Variants in CIT observed in about 807,000 individuals in gnomAD.
The protein encoded by CIT is citron rho-interacting serine/threonine kinase, also known as citron Rho-interacting kinase.
CIT carries 79 observed loss-of-function variants against 272.7 expected under a neutral mutation model. That is an observed-to-expected ratio of 0.29 (90% CI 0.24 to 0.35). CIT has a LOEUF of 0.35. CIT is among the 10% of genes least tolerant of loss of function. The pLI, the probability that CIT is intolerant of heterozygous loss-of-function variation, is 1.00. For missense variants in CIT, 1,909 were observed against 2,618.3 expected, an observed-to-expected ratio of 0.73 and a Z score of 5.91; for synonymous variants, 948 against 995.6, an observed-to-expected ratio of 0.95 and a Z score of 0.90.
At chr12:119,689,664 C>CTTTTTTT (rs1565887334) in intron 47 of CIT, among the ~76,000 whole-genome samples, 1 of 102,060 alleles carries the variant, frequency 9.8e-6, no homozygotes, top group Non-Finnish European at 2.0e-5. Flanking sequence ...GCTTAGGAAG[C>CTTTTTTT]TCTTTTTTTT....
chr12:119,756,054 A>G (rs1015312097), intron 22 of CIT, among the ~76,000 whole-genome samples: 1 of 152,164 alleles, frequency 6.6e-6, no homozygotes, highest in African/African-American at 2.4e-5. Context: ...GGACCCTATA[A>G]AGGAGATACA....
chr12:119,838,696 A>C (rs937089022), intron 5 of CIT, among the ~76,000 whole-genome samples: 1 of 152,190 alleles, frequency 6.6e-6, no homozygotes, highest in Non-Finnish European at 1.5e-5. Flanking sequence ...TCTGCTGCTT[A>C]TATTTTTTTC....
At chr12:119,731,391 G>A (rs954618894) in intron 26 of CIT, among the ~76,000 whole-genome samples, 2 of 146,714 alleles carry the variant, frequency 1.4e-5, no homozygotes, top group Admixed American at 6.9e-5. Flanking sequence ...CAGGAGAATT[G>A]CTTGAACTCG....
chr12:119,852,060 G>A (rs1970253013), intron 4 of CIT, among the ~76,000 whole-genome samples: 1 of 152,030 alleles, frequency 6.6e-6, no homozygotes, highest in Non-Finnish European at 1.5e-5. Flanking sequence ...ATAAAATCAC[G>A]AAGGAGGAAG....
At chr12:119,844,849 G>A (rs937049651) in intron 5 of CIT, among the ~76,000 whole-genome samples, 2 of 152,148 alleles carry the variant, frequency 1.3e-5, no homozygotes, top group Non-Finnish European at 2.9e-5. Flanking sequence ...GGCTGGGCAC[G>A]GTGGCTCACG....
At chr12:119,869,308 C>G in intron 2 of CIT, 107 bp from the exon 3 acceptor site, 1 of 1,067,496 alleles carries the variant, frequency 9.4e-7, no homozygotes, top group Non-Finnish European at 1.3e-6. Context: ...TAACTGCTCA[C>G]GACATGCTAA....
At chr12:119,748,102 C>CTGCA (rs1280323548) in intron 23 of CIT, among the ~76,000 whole-genome samples, 1 of 151,976 alleles carries the variant, frequency 6.6e-6, no homozygotes, top group Non-Finnish European at 1.5e-5. Context: ...GGAGTCAAGG[C>CTGCA]TGCAGTGTGC....
chr12:119,765,741 G>C (rs962953496), intron 19 of CIT, among the ~76,000 whole-genome samples: 1 of 151,788 alleles, frequency 6.6e-6, no homozygotes, highest in Non-Finnish European at 1.5e-5. Context: ...CAAAGTGCTA[G>C]GATTATATGC....
At chr12:119,721,209 T>C in intron 29 of CIT, 100 bp downstream of exon 29, 1 of 1,046,922 alleles carries the variant, frequency 9.6e-7, no homozygotes, top group South Asian at 2.2e-5. Context: ...TCAAGTAATC[T>C]GCCCTCCTCA....
At chr12:119,720,424 C>A in intron 30 of CIT, 54 bp downstream of exon 30, 1 of 1,196,478 alleles carries the variant, frequency 8.4e-7, no homozygotes, top group East Asian at 2.3e-5. Flanking sequence ...GTCCACTGAG[C>A]CATGAATGAT....
chr12:119,707,931 T>C (rs920784860), intron 40 of CIT, among the ~76,000 whole-genome samples: 1 of 152,226 alleles, frequency 6.6e-6, no homozygotes, highest in African/African-American at 2.4e-5. Context: ...AAAAAGACTA[T>C]GGAATCCTCA....
intron 28 of CIT, among the ~76,000 whole-genome samples, chr12:119,723,658 G>A (rs1490947850): frequency 6.6e-6 from 1 of 152,172 alleles, no homozygotes; most frequent in African/African-American, 2.4e-5. Context: ...CCGTGGGCTG[G>A]AAGAATGGAT....
At chr12:119,860,462 G>C (rs1950303636) in intron 3 of CIT, among the ~76,000 whole-genome samples, 1 of 152,150 alleles carries the variant, frequency 6.6e-6, no homozygotes, top group Admixed American at 6.5e-5. Context: ...CTCTTTCCAA[G>C]TTTCTTCCAG....
At position 119,712,277 on chromosome 12, in the gene CIT, C is replaced by A. The variant is rs1289975310; in HGVS notation, c.4755G>T (p.Leu1585Phe). ...TTCWPGRTLY[L>F]LAPSFPDKQR... ...GTTTGTCAGGGAAGCTGGGAGCTAG[C>A]AAGTAGAGGGTTCTCCCGGGCCAGC... Residue 1585 changes from leucine (L) to phenylalanine (F), a missense_variant, in exon 37 of 48, where the codon TTG becomes TTT. This residue lies in a region of CIT where 780 missense variants were observed against 1,067.2 expected (regional missense o/e 0.73). Coordinates refer to ENST00000392521, the MANE Select transcript of CIT (RefSeq NM_001206999.2). The surrounding 1 kb of genome is among the most constrained non-coding windows in gnomAD (Gnocchi z 5.2). The A allele has an allele frequency of 6.2e-7, 1 of 1,614,146 alleles. No homozygotes were observed. Among genetic ancestry groups the A allele is most frequent in the Admixed American group, 1.7e-5 (1 of 60,014 alleles).
intron 7 of CIT, among the ~76,000 whole-genome samples, chr12:119,829,562 A>G (rs970085449): frequency 2.6e-5 from 4 of 152,182 alleles, no homozygotes. Flanking sequence ...AAAAAGGGCT[A>G]TCTCTTGTGG....
intron 22 of CIT, 60 bp downstream of exon 22, chr12:119,757,311 A>T (rs1961130847): frequency 5.7e-6 from 9 of 1,592,866 alleles, no homozygotes; most frequent in Middle Eastern, 2.2e-4. Context: ...TCGAAAGCTG[A>T]CTTGTTCAGA....
In CIT at chr12:119,742,510, C is replaced by T. The variant is rs577071549; in HGVS notation, c.2905-46G>A. 2.1e-6 allele frequency: 3 copies of T among 1,409,528 alleles called. No homozygotes were observed. In the South Asian group the frequency reaches 3.7e-5, roughly 17 times the overall value. The allele number at this position is 1,409,528 out of a possible 1,614,324, so 87.3% of individuals were successfully genotyped here. A position where few individuals can be genotyped will look rare whatever the true frequency, so the allele number is the denominator to read the frequency against. ...TATAAATTTTTCATAGGGTAGAATA[C>T]AATTCTACATGCTACGGGTCAAATA... On this transcript the variant is annotated intron_variant, in intron 23 of 47. Coordinates refer to ENST00000392521, the MANE Select transcript of CIT (RefSeq NM_001206999.2).
chr12:119,830,919 T>C (rs369686260), intron 7 of CIT, among the ~76,000 whole-genome samples: 1 of 152,242 alleles, frequency 6.6e-6, no homozygotes, highest in African/African-American at 2.4e-5. Context: ...CAGGCTGGAA[T>C]GCAATGGTGC....
rs1299706801 is a variant in CIT at position 119,784,925 on chromosome 12, G to C, written c.1401+35C>G. On this transcript the variant is annotated intron_variant, in intron 11 of 47. Transcript: ENST00000392521. This position sits in a 1 kb window ranked among gnomAD's most constrained non-coding sequence, Gnocchi z 4.7. ...GGCATATACGGACGGGAGGATCCTG[G>C]AGCAAGGAAGGAGGCCGGCTGCGGA... The C allele has an allele frequency of 6.2e-7, 1 of 1,611,748 alleles. No homozygotes were observed.
Sources: gnomAD v4.1 joint callset for allele counts (sites outside exome capture counted in the v4.1 genomes callset) on GRCh38, gnomAD v4.1.1 for gene constraint, gnomAD v4.1.1 regional missense constraint, Gnocchi (gnomAD v3.1) non-coding constraint, MANE v1.5 for transcripts, NCBI Gene and HGNC (gene_info 2026-07-23, HGNC 2026-07-21) for gene names.